Variants in COL4A6 observed in about 807,000 individuals in gnomAD.
COL4A6 encodes the protein collagen type IV alpha 6 chain, also known as collagen alpha-6(IV) chain.
COL4A6 carries 59 observed loss-of-function variants against 126.7 expected under a neutral mutation model. The observed-to-expected ratio is 0.47, with a 90% CI of 0.38 to 0.58. The LOEUF (loss-of-function observed/expected upper bound fraction) is 0.58, where lower values mean the gene tolerates loss of function less well. COL4A6 is among the 20% of genes least tolerant of loss of function. The probability of loss-of-function intolerance (pLI) is 0.00; values close to 1 mark genes in which losing one functional copy is unlikely to be tolerated. For missense variants in COL4A6, 1,285 were observed against 1,337.3 expected, an observed-to-expected ratio of 0.96 and a Z score of 0.61; for synonymous variants, 547 against 496.6, an observed-to-expected ratio of 1.10 and a Z score of -1.35.
Position 108,221,273 on chromosome X carries a change from G to C in COL4A6, c.246C>G (p.Gly82=). 8.3e-7 allele frequency: 1 copy of C among 1,211,223 alleles called. No homozygotes were observed. Among genetic ancestry groups the C allele is most frequent in the South Asian group, 1.8e-5 (1 of 56,989 alleles). The part of the protein sequence containing the change: ...SGLKGERGFP[G]LLGPYGPKGD... ...CTTTTGGTCCATAAGGTCCCAGAAG[G>C]CCTGGGAAACCCCTTTCTCCTTTCA... The change falls in exon 4 of 45, where the codon GGC becomes GGG. Residue 82 remains glycine, a synonymous_variant. Coordinates refer to ENST00000334504, the MANE Select transcript of COL4A6 (RefSeq NM_033641.4).
intron 2 of COL4A6, among the ~76,000 whole-genome samples, chrX:108,320,164 GA>G (rs1273205589): frequency 1.8e-5 from 2 of 111,761 alleles, no homozygotes; most frequent in Admixed American, 9.5e-5. Flanking sequence ...GGAGTTACTG[GA>G]GGTTTGTGGA....
intron 3 of COL4A6, among the ~76,000 whole-genome samples, chrX:108,230,054 A>G (rs960299563): frequency 8.9e-6 from 1 of 112,260 alleles, no homozygotes; most frequent in African/African-American, 3.2e-5. Context: ...CTTTGATGAC[A>G]TGAGAGAACT....
intron 2 of COL4A6, among the ~76,000 whole-genome samples, chrX:108,323,788 C>A (rs977810578): frequency 8.9e-6 from 1 of 112,166 alleles, no homozygotes; most frequent in Non-Finnish European, 1.9e-5. Context: ...CTGTTGTATT[C>A]GTTGCTCACT....
At chrX:108,333,588 A>G (rs1384522671) in intron 2 of COL4A6, among the ~76,000 whole-genome samples, 1 of 111,655 alleles carries the variant, frequency 9.0e-6, no homozygotes, top group Non-Finnish European at 1.9e-5. Flanking sequence ...AATAGAAGGA[A>G]AAAAAGGCAT....
intron 2 of COL4A6, among the ~76,000 whole-genome samples, chrX:108,436,283 G>A (rs773144043): frequency 8.9e-6 from 1 of 112,379 alleles, no homozygotes; most frequent in Non-Finnish European, 1.9e-5. Flanking sequence ...ATAAAACAAT[G>A]AGACAGAGTC....
chrX:108,262,687 C>A (rs1435771173), intron 3 of COL4A6, among the ~76,000 whole-genome samples: 3 of 111,157 alleles, frequency 2.7e-5, no homozygotes, highest in Non-Finnish European at 5.7e-5. Context: ...ACAGGCAAAG[C>A]TTCTAAGAGA....
intron 3 of COL4A6, among the ~76,000 whole-genome samples, chrX:108,239,120 C>T: frequency 8.9e-6 from 1 of 112,263 alleles, no homozygotes; most frequent in Non-Finnish European, 1.9e-5. Flanking sequence ...CAGTTTTAGA[C>T]ATTGCAAATA....
At position 108,170,817 on chromosome X, in the gene COL4A6, T is replaced by A; in HGVS notation, c.3378A>T (p.Gly1126=). ...VGVSGDVGLP[G]APGFPGVAGM... is the part of the protein sequence containing the mutation. ...TATCATGTGGCATGGTACCTGGAGC[T>A]CCAGGAAGGCCAACATCTCCAGAAA... The change falls in exon 34 of 45, where the codon GGA becomes GGT. Residue 1126 remains glycine (G), a synonymous_variant. Coordinates refer to ENST00000334504, the MANE Select transcript of COL4A6 (RefSeq NM_033641.4). 8.3e-7 allele frequency: 1 copy of A among 1,211,723 alleles called. No individual in the cohort carries two copies.
At chrX:108,262,802 C>T (rs776648670) in intron 3 of COL4A6, among the ~76,000 whole-genome samples, 85 of 111,546 alleles carry the variant, frequency 7.6e-4, no homozygotes, top group Admixed American at 1.4e-3. Context: ...AGTTGATGGG[C>T]CTTGCAAGAT....
At chrX:108,382,674 C>T (rs941874602) in intron 2 of COL4A6, among the ~76,000 whole-genome samples, 1 of 110,509 alleles carries the variant, frequency 9.0e-6, no homozygotes, top group Middle Eastern at 4.7e-3. Context: ...AGGCCAGGCA[C>T]GGTGGCTCAC....
chrX:108,161,732 G>A lies in COL4A6; in HGVS notation c.4220C>T (p.Ser1407Phe). ...ACCGGGGATGCCAGGTAAACCTTTG[G>A]AGCCTGCAGGAGAGAAAGCCCAAAG... ...GAQGPVGLQG[S>F]KGLPGIPGKD... The change falls in exon 42 of 45, where the codon TCC becomes TTC. Residue 1407 changes from serine (S) to phenylalanine (F), a missense_variant. By Grantham distance (155) the Ser-to-Phe change is radical. Coordinates refer to ENST00000334504, the MANE Select transcript of COL4A6 (RefSeq NM_033641.4). The A allele has an allele frequency of 8.5e-7, 1 of 1,180,112 alleles. No individual in the cohort carries two copies. Among genetic ancestry groups the A allele is most frequent in the Non-Finnish European group, 1.2e-6 (1 of 868,161 alleles).
chrX:108,438,437 G>C, upstream of COL4A6: 1 of 1,004,879 alleles, frequency 1.0e-6, no homozygotes. Context: ...CCATGCAGCA[G>C]GAGAGGAAAG....
At chrX:108,365,292 C>T (rs1437723987) in intron 2 of COL4A6, among the ~76,000 whole-genome samples, 2 of 111,695 alleles carry the variant, frequency 1.8e-5, no homozygotes, top group Non-Finnish European at 3.8e-5. Flanking sequence ...CCTCAAATTC[C>T]CAACAACTAG....
Position 108,416,611 on chromosome X carries a change from G to C in COL4A6, c.63+21331C>G, listed in dbSNP as rs1160086260. Among the ~76,000 whole-genome samples, 28 of 111,652 alleles carry C rather than the reference G, an allele frequency of 2.5e-4. 1 individual carries two copies. Among genetic ancestry groups the C allele is most frequent in the Non-Finnish European group, 9.4e-5 (5 of 53,077 alleles). On this transcript the variant is annotated intron_variant, in intron 2 of 44. Coordinates refer to ENST00000334504, the MANE Select transcript of COL4A6 (RefSeq NM_033641.4). ...GTGATCATTGGTAGGAAAATATTTGGGGCCCTTCTGTATTAGGGAGTTCCT... is the reference window on the plus strand; with the variant it reads ...GTGATCATTGGTAGGAAAATATTTGCGGCCCTTCTGTATTAGGGAGTTCCT...
chrX:108,186,478 T>C (rs1449636807), intron 23 of COL4A6, among the ~76,000 whole-genome samples: 1 of 112,176 alleles, frequency 8.9e-6, no homozygotes, highest in East Asian at 2.8e-4. Flanking sequence ...AACCCAAAAG[T>C]TGGGATGAAC....
chrX:108,181,038 T>G (rs990864165), intron 23 of COL4A6, 70 bp from the exon 24 acceptor site: 1 of 911,771 alleles, frequency 1.1e-6, no homozygotes, highest in Non-Finnish European at 1.6e-6. Context: ...GTACGCTCCT[T>G]TACTTCTATT....
intron 2 of COL4A6, among the ~76,000 whole-genome samples, chrX:108,375,423 T>C (rs1174400128): frequency 8.9e-6 from 1 of 111,738 alleles, no homozygotes; most frequent in Non-Finnish European, 1.9e-5. Context: ...AAAACCCTTC[T>C]ATAATCAGAA....
chrX:108,167,062 C>T (rs1477945941), intron 37 of COL4A6, among the ~76,000 whole-genome samples: 1 of 111,605 alleles, frequency 9.0e-6, no homozygotes, highest in Non-Finnish European at 1.9e-5. Context: ...TTTATAATTA[C>T]ACTTACGTGT....
At chrX:108,160,777 G>A (rs766354739) in intron 42 of COL4A6, 123 bp from the exon 43 acceptor site, 10 of 622,473 alleles carry the variant, frequency 1.6e-5, no homozygotes, top group Non-Finnish European at 1.8e-5. Flanking sequence ...CAATCCTCAC[G>A]ATGACCCTGG....
Sources: gnomAD v4.1 joint callset for allele counts (sites outside exome capture counted in the v4.1 genomes callset) on GRCh38, gnomAD v4.1.1 for gene constraint, MANE v1.5 for transcripts, NCBI Gene and HGNC (gene_info 2026-07-23, HGNC 2026-07-21) for gene names.